A1CF: variants seen among roughly 807,000 people sequenced by gnomAD.
A1CF encodes APOBEC1 complementation factor, also known as APOBEC-1 stimulating protein.
In A1CF, 48 loss-of-function variants were observed where a neutral mutation model predicts 68.9. The ratio of observed to expected loss-of-function variants is 0.70; its 90% CI spans 0.55 to 0.89. The LOEUF (loss-of-function observed/expected upper bound fraction) is 0.89. A1CF is among the 40% of genes least tolerant of loss of function. The probability of loss-of-function intolerance (pLI) is 0.00; values close to 1 mark genes in which losing one functional copy is unlikely to be tolerated. For missense variants in A1CF, 653 were observed against 718.9 expected (o/e 0.91, Z 1.05); for synonymous variants, 272 against 260.4 (o/e 1.04, Z -0.43).
At chr10:50,846,243 G>GA (rs1839996468) in intron 3 of A1CF, among the ~76,000 whole-genome samples, 1 of 152,154 alleles carries the variant, frequency 6.6e-6, no homozygotes, top group African/African-American at 2.4e-5. Context: ...AGGTATATAT[G>GA]AATTATAAGT....
chr10:50,811,535 T>C (rs1222067495), intron 10 of A1CF, among the ~76,000 whole-genome samples: 7 of 152,220 alleles, frequency 4.6e-5, no homozygotes, highest in African/African-American at 1.7e-4. Flanking sequence ...ATTTACTCAT[T>C]ATTACTCTCA....
At chr10:50,838,344 G>A (rs553638131) in intron 5 of A1CF, among the ~76,000 whole-genome samples, 6 of 152,138 alleles carry the variant, frequency 3.9e-5, no homozygotes, top group African/African-American at 1.4e-4. Context: ...TCAAGGTGAG[G>A]GAAGGGTTGA....
At chr10:50,834,447 G>T (rs942029190) in intron 6 of A1CF, among the ~76,000 whole-genome samples, 5 of 152,182 alleles carry the variant, frequency 3.3e-5, no homozygotes, top group African/African-American at 4.8e-5. Context: ...AAACGAGACA[G>T]ACATAAGCAT....
chr10:50,824,298 G>C (rs1838815970), intron 7 of A1CF: 1 of 152,096 alleles, frequency 6.6e-6, no homozygotes, highest in Non-Finnish European at 1.5e-5. Context: ...GACTGGGAAA[G>C]CTGATAATCA....
chr10:50,807,476 C>T (rs1335534028), intron 12 of A1CF, among the ~76,000 whole-genome samples: 1 of 152,172 alleles, frequency 6.6e-6, no homozygotes, highest in African/African-American at 2.4e-5. Context: ...TTACATGTAA[C>T]TATGAATGGC....
chr10:50,828,318 T>C (rs759487700), intron 6 of A1CF, 23 bp from the exon 7 acceptor site: 2 of 1,501,548 alleles, frequency 1.3e-6, no homozygotes, highest in Non-Finnish European at 1.8e-6. Flanking sequence ...ATCACCATTA[T>C]GATTAATTAT....
intron 5 of A1CF, among the ~76,000 whole-genome samples, chr10:50,838,796 T>G (rs1380858636): frequency 1.3e-5 from 2 of 152,222 alleles, no homozygotes; most frequent in Admixed American, 1.3e-4. Context: ...AGGTTGTCTA[T>G]GGGGTGTTTA....
At chr10:50,816,352 C>A (rs1838373521) in intron 8 of A1CF, 73 bp from the exon 9 acceptor site, 1 of 1,453,948 alleles carries the variant, frequency 6.9e-7, no homozygotes, top group Admixed American at 1.8e-5. Flanking sequence ...GCCCTAATAA[C>A]ATGACTCCTT....
At chr10:50,851,358 T>C (rs901139089) in intron 3 of A1CF, among the ~76,000 whole-genome samples, 5 of 152,212 alleles carry the variant, frequency 3.3e-5, no homozygotes, top group African/African-American at 9.6e-5. Context: ...AGTTAGTCAA[T>C]TGGAGCCTTA....
chr10:50,859,685 A>G (rs1840651507), intron 3 of A1CF, among the ~76,000 whole-genome samples, 157 bp downstream of exon 3: 1 of 152,246 alleles, frequency 6.6e-6, no homozygotes, highest in African/African-American at 2.4e-5. Context: ...TGTCATCTAC[A>G]AAACAGAAAT....
At chr10:50,867,618 G>T (rs1006977922) in intron 1 of A1CF, among the ~76,000 whole-genome samples, 1 of 152,150 alleles carries the variant, frequency 6.6e-6, no homozygotes, top group African/African-American at 2.4e-5. Context: ...TACCCTAAAA[G>T]TCTTGACCAC....
chr10:50,872,250 A>T (rs1340754066), intron 1 of A1CF, among the ~76,000 whole-genome samples: 1 of 152,224 alleles, frequency 6.6e-6, no homozygotes, highest in Non-Finnish European at 1.5e-5. Flanking sequence ...AGGATAATAA[A>T]CATAGCTAAC....
intron 6 of A1CF, among the ~76,000 whole-genome samples, chr10:50,831,513 G>A (rs1387696023): frequency 6.6e-6 from 1 of 152,186 alleles, no homozygotes; most frequent in African/African-American, 2.4e-5. Context: ...CAGATCATCT[G>A]AGGTCAGTAG....
chr10:50,840,467 G>T (rs1839724088), intron 5 of A1CF, among the ~76,000 whole-genome samples: 1 of 152,170 alleles, frequency 6.6e-6, no homozygotes, highest in African/African-American at 2.4e-5. Flanking sequence ...CAAAACTATT[G>T]CTCTTTAACT....
Position 50,877,875 on chromosome 10 carries a change from C to A in A1CF, c.-94+7706G>T, listed in dbSNP as rs186443429. 3.8e-4 allele frequency among the ~76,000 whole-genome samples: 58 copies of A among 152,336 alleles called. 3 individuals are homozygous for A. The South Asian group carries it at 0.011, about 28-fold the overall frequency. ...CCGTGGCTCACGCCTGTAATCCCCC[C>A]ACTTTGGGAGGCTGAGGCAGGAGGA... On this transcript the variant is annotated intron_variant, in intron 1 of 12. Coordinates refer to ENST00000373997, the MANE Select transcript of A1CF (RefSeq NM_014576.4).
chr10:50,801,364 A>G lies in A1CF; in HGVS notation c.*5365T>C, dbSNP rs1036494142. 3.3e-5 allele frequency: 5 copies of G among 152,242 alleles called. No homozygotes were observed. The highest frequency in any genetic ancestry group is 1.2e-4 in the African/African-American group (5 of 41,462). 9.4% of individuals were successfully genotyped at this position (152,242 alleles called of 1,614,324 possible). A position where few individuals can be genotyped will look rare whatever the true frequency, so the allele number is the denominator to read the frequency against. On this transcript the variant is annotated 3_prime_UTR_variant, in exon 13 of 13. Coordinates refer to ENST00000373997, the MANE Select transcript of A1CF (RefSeq NM_014576.4). ...ATTCTACAAAATTAAAAACAACAAG[A>G]AAACAACAACAACCCATAAAGATGG...
intron 8 of A1CF, among the ~76,000 whole-genome samples, chr10:50,819,404 C>T (rs902764403): frequency 3.3e-5 from 5 of 152,054 alleles, no homozygotes; most frequent in African/African-American, 9.7e-5. Context: ...ATTACAGGTG[C>T]GAGCCACTGC....
chr10:50,812,280 C>T (rs1027918036), intron 10 of A1CF, among the ~76,000 whole-genome samples: 5 of 152,158 alleles, frequency 3.3e-5, no homozygotes, highest in Non-Finnish European at 5.9e-5. Flanking sequence ...CAGGAAAGGG[C>T]TTGTCTCTCT....
rs139673392 is a variant in A1CF at position 50,878,603 on chromosome 10, T to G, written c.-94+6978A>C. Among the ~76,000 whole-genome samples the G allele has an allele frequency of 1.1e-4, 16 of 152,342 alleles. No homozygotes were observed. In the East Asian group the frequency reaches 2.9e-3, roughly 28 times the overall value. ...ATCACAGGTCAGAGCTTTGGATCAT[T>G]GGGCTTTAGGAAATCCTTTGCAATT... On this transcript the variant is annotated intron_variant, in intron 1 of 12. Coordinates refer to ENST00000373997, the MANE Select transcript of A1CF (RefSeq NM_014576.4).
Sources: allele counts gnomAD v4.1 joint callset (sites outside exome capture counted in the v4.1 genomes callset), GRCh38; gene constraint gnomAD v4.1.1; transcripts MANE v1.5; gene names NCBI Gene and HGNC (gene_info 2026-07-23, HGNC 2026-07-21).